PBX1: variants seen among roughly 807,000 people sequenced by gnomAD.
The protein encoded by PBX1 is PBX homeobox 1.
PBX1 carries 6 observed loss-of-function variants against 53.4 expected under a neutral mutation model. The ratio of observed to expected loss-of-function variants is 0.11; its 90% CI spans 0.06 to 0.22. PBX1 has a LOEUF of 0.22. PBX1 is among the 10% of genes least tolerant of loss of function. The probability of loss-of-function intolerance (pLI) is 1.00; values close to 1 mark genes in which losing one functional copy is unlikely to be tolerated. For synonymous variants in PBX1, 204 were observed against 212.3 expected (o/e 0.96, Z 0.34); for missense variants, 251 against 551.4 (o/e 0.46, Z 5.46).
intron 2 of PBX1, among the ~76,000 whole-genome samples, chr1:164,749,254 A>C (rs956288193): frequency 6.6e-6 from 1 of 152,206 alleles, no homozygotes; most frequent in African/African-American, 2.4e-5. Context: ...AAATTGGAAC[A>C]TAAACAATAT....
intron 2 of PBX1, among the ~76,000 whole-genome samples, chr1:164,582,813 C>T (rs556642891): frequency 1.3e-5 from 2 of 152,258 alleles, no homozygotes; most frequent in African/African-American, 2.4e-5. Flanking sequence ...TTTACCATAG[C>T]CCTTTATGCA....
At chr1:164,787,241 G>A (rs1668245380) in intron 2 of PBX1, among the ~76,000 whole-genome samples, 1 of 152,142 alleles carries the variant, frequency 6.6e-6, no homozygotes, top group Non-Finnish European at 1.5e-5. Flanking sequence ...GCTACCTTGT[G>A]CCTTTCCCCA....
At chr1:164,696,905 A>G (rs887496818) in intron 2 of PBX1, among the ~76,000 whole-genome samples, 1 of 152,150 alleles carries the variant, frequency 6.6e-6, no homozygotes, top group Admixed American at 6.5e-5. Flanking sequence ...GACCAGAATA[A>G]AATTATAGTG....
chr1:164,615,774 G>C (rs922652413), intron 2 of PBX1, among the ~76,000 whole-genome samples: 4 of 152,100 alleles, frequency 2.6e-5, no homozygotes, highest in African/African-American at 9.7e-5. Context: ...TAAAACCCAC[G>C]AGACAGTTAC....
chr1:164,719,556 T>A (rs1352490500), intron 2 of PBX1, among the ~76,000 whole-genome samples: 3 of 152,168 alleles, frequency 2.0e-5, no homozygotes, highest in Non-Finnish European at 4.4e-5. Context: ...ATGCTCTGAA[T>A]CAGAATTTCT....
intron 2 of PBX1, among the ~76,000 whole-genome samples, chr1:164,564,531 G>A (rs1653294906): frequency 6.6e-6 from 1 of 152,116 alleles, no homozygotes. Flanking sequence ...CTTGAAATGC[G>A]TGTAAAATTA....
At chr1:164,691,416 T>G (rs950543940) in intron 2 of PBX1, among the ~76,000 whole-genome samples, 6 of 152,212 alleles carry the variant, frequency 3.9e-5, no homozygotes, top group Admixed American at 3.3e-4. Context: ...ACTGTGGGCA[T>G]ATGACATTTC....
At chr1:164,707,434 A>T (rs1371895371) in intron 2 of PBX1, among the ~76,000 whole-genome samples, 2,857 of 150,796 alleles carry the variant, frequency 0.019, 63 homozygotes, top group South Asian at 0.08. Context: ...AGAGAGAGAG[A>T]GAGAGAGAGA....
chr1:164,674,524 T>C (rs1275324815), intron 2 of PBX1: 2 of 152,236 alleles, frequency 1.3e-5, no homozygotes, highest in African/African-American at 2.4e-5. Flanking sequence ...GAGTGAAAGC[T>C]AGGAGCCAAG....
intron 4 of PBX1, among the ~76,000 whole-genome samples, chr1:164,805,060 A>C (rs528311500): frequency 1.3e-5 from 2 of 152,196 alleles, no homozygotes; most frequent in African/African-American, 4.8e-5. Context: ...ACATCTCACT[A>C]TCATGAGTCT....
chr1:164,834,063 G>GTGTGTA (rs1670906562), intron 8 of PBX1, among the ~76,000 whole-genome samples: 1 of 149,702 alleles, frequency 6.7e-6, no homozygotes, highest in African/African-American at 2.5e-5. Context: ...GTGTGTGTGT[G>GTGTGTA]TGTGTGTATT....
At chr1:164,651,437 C>T (rs569540826) in intron 2 of PBX1, among the ~76,000 whole-genome samples, 1 of 152,046 alleles carries the variant, frequency 6.6e-6, no homozygotes, top group Non-Finnish European at 1.5e-5. Context: ...CCCTACCCTC[C>T]GATGTCATTA....
intron 2 of PBX1, among the ~76,000 whole-genome samples, chr1:164,741,832 G>A (rs1331940143): frequency 2.0e-5 from 3 of 150,900 alleles, no homozygotes; most frequent in African/African-American, 7.3e-5. Context: ...AATCACCTAC[G>A]TTTCCAGAGG....
intron 5 of PBX1, among the ~76,000 whole-genome samples, chr1:164,808,615 C>G (rs994950124): frequency 2.6e-5 from 4 of 152,148 alleles, no homozygotes; most frequent in Admixed American, 6.5e-5. Flanking sequence ...AGTAGATGCT[C>G]TTTTATATAA....
intron 2 of PBX1, among the ~76,000 whole-genome samples, chr1:164,744,878 G>A (rs1665812331): frequency 6.6e-6 from 1 of 152,002 alleles, no homozygotes; most frequent in Non-Finnish European, 1.5e-5. Context: ...GAAGACAGTG[G>A]TGGGGGTGGT....
At chr1:164,676,841 G>A (rs547623046) in intron 2 of PBX1, among the ~76,000 whole-genome samples, 2 of 152,280 alleles carry the variant, frequency 1.3e-5, no homozygotes, top group African/African-American at 4.8e-5. Context: ...TTAAATGAAT[G>A]TGCTACCCAA....
Position 164,850,163 on chromosome 1 carries a change from G to C in PBX1, c.*3487G>C. ...TCCCCTCTTCTTTCTGTGACAATGC[G>C]CATCATTCCTGCATTAGTTTTTAAC... On this transcript the variant is annotated 3_prime_UTR_variant, in exon 9 of 9. Coordinates refer to ENST00000420696, the MANE Select transcript of PBX1 (RefSeq NM_002585.4). The C allele has an allele frequency of 4.4e-6, 1 of 227,410 alleles. No individual in the cohort carries two copies. The highest frequency in any genetic ancestry group is 8.7e-6 in the Non-Finnish European group (1 of 114,522). 14.1% of individuals were successfully genotyped at this position (227,410 alleles called of 1,614,324 possible).
intron 8 of PBX1, among the ~76,000 whole-genome samples, chr1:164,836,951 T>C (rs1558037245): frequency 6.6e-6 from 1 of 152,266 alleles, no homozygotes; most frequent in East Asian, 1.9e-4. Flanking sequence ...ATTAATGTCC[T>C]AAGTGTACTT....
intron 2 of PBX1, among the ~76,000 whole-genome samples, chr1:164,724,647 G>T (rs1205875598): frequency 8.6e-6 from 1 of 116,074 alleles, no homozygotes. Flanking sequence ...TTTCTTCACA[G>T]ATGCCCATTG....
Sources: gnomAD v4.1 joint callset for allele counts (sites outside exome capture counted in the v4.1 genomes callset) on GRCh38, gnomAD v4.1.1 for gene constraint, MANE v1.5 for transcripts, NCBI Gene and HGNC (gene_info 2026-07-23, HGNC 2026-07-21) for gene names.